Variants in SIK2 observed in about 807,000 individuals in gnomAD.
SIK2 encodes the protein salt inducible kinase 2.
A neutral mutation model predicts 103.2 loss-of-function variants in SIK2; 29 were observed. The observed-to-expected ratio is 0.28, with a 90% CI of 0.21 to 0.38. The LOEUF is 0.38. SIK2 is among the 10% of genes least tolerant of loss of function. The pLI is 1.00. For missense variants in SIK2, 879 were observed against 1,171.0 expected (o/e 0.75, Z 3.64); for synonymous variants, 412 against 446.1 (o/e 0.92, Z 0.96).
chr11:111,636,168 G>A (rs1347753548), intron 3 of SIK2, among the ~76,000 whole-genome samples: 1 of 152,108 alleles, frequency 6.6e-6, no homozygotes, highest in East Asian at 1.9e-4. Flanking sequence ...AAAATAAAAT[G>A]GGAAAAACCA....
At chr11:111,714,186 C>T (rs1349811511) in intron 9 of SIK2, among the ~76,000 whole-genome samples, 1 of 152,136 alleles carries the variant, frequency 6.6e-6, no homozygotes, top group African/African-American at 2.4e-5. Context: ...CTAGGGAAGC[C>T]TAAGTCCATC....
intron 3 of SIK2, among the ~76,000 whole-genome samples, chr11:111,636,721 T>A (rs1222852809): frequency 6.6e-6 from 1 of 152,230 alleles, no homozygotes; most frequent in East Asian, 1.9e-4. Context: ...CTTAAGATGC[T>A]GTTTCTCTAC....
At chr11:111,657,443 G>A (rs907112338) in intron 3 of SIK2, among the ~76,000 whole-genome samples, 27 of 152,234 alleles carry the variant, frequency 1.8e-4, no homozygotes, top group African/African-American at 5.5e-4. Flanking sequence ...AGGCTGAAGT[G>A]CAGTGGTGCA....
intron 3 of SIK2, among the ~76,000 whole-genome samples, chr11:111,622,560 G>T (rs1941905457): frequency 6.6e-6 from 1 of 152,088 alleles, no homozygotes. Context: ...GGCGTCTGAA[G>T]GATTTTCTTT....
chr11:111,708,916 CTTGTTT>C (rs1169877318), intron 8 of SIK2, among the ~76,000 whole-genome samples: 2 of 152,154 alleles, frequency 1.3e-5, no homozygotes, highest in Non-Finnish European at 2.9e-5. Flanking sequence ...GGCCTAACCA[CTTGTTT>C]TTAACAGTCC....
At chr11:111,698,280 C>CCAGCTCTTGTTCT (rs1423086867) in intron 4 of SIK2, among the ~76,000 whole-genome samples, 1 of 152,180 alleles carries the variant, frequency 6.6e-6, no homozygotes, top group African/African-American at 2.4e-5. Flanking sequence ...AGAAGTGTTC[C>CCAGCTCTTGTTCT]CAGCTCTTGT....
At chr11:111,662,800 C>A (rs1168325779) in intron 3 of SIK2, among the ~76,000 whole-genome samples, 2 of 152,080 alleles carry the variant, frequency 1.3e-5, no homozygotes, top group Non-Finnish European at 2.9e-5. Flanking sequence ...ATTGCTTGAG[C>A]CCAGGAGATC....
At position 111,688,339 on chromosome 11, in the gene SIK2, G is replaced by A. The variant is rs1942874359; in HGVS notation, c.478+177G>A. ...TGTGTAATTAAAAGTAAGGGAATGAGTTCATTATTAATATACACAGGTCAG... is the reference window on the plus strand; with the variant it reads ...TGTGTAATTAAAAGTAAGGGAATGAATTCATTATTAATATACACAGGTCAG... On this transcript the variant is annotated intron_variant, in intron 4 of 14. Transcript: ENST00000304987. The surrounding 1 kb of genome is among the most constrained non-coding windows in gnomAD (Gnocchi z 4.2). Among the ~76,000 whole-genome samples, 1 of 152,206 alleles carries A rather than the reference G, an allele frequency of 6.6e-6. No individual in the cohort carries two copies. The highest frequency in any genetic ancestry group is 1.5e-5 in the Non-Finnish European group (1 of 68,040).
chr11:111,661,115 T>C (rs1169347497), intron 3 of SIK2, among the ~76,000 whole-genome samples: 1 of 152,172 alleles, frequency 6.6e-6, no homozygotes. Flanking sequence ...ACTGAGTATA[T>C]ACTCTTTCTC....
At chr11:111,674,260 CA>C (rs1565347106) in intron 3 of SIK2, among the ~76,000 whole-genome samples, 1 of 152,084 alleles carries the variant, frequency 6.6e-6, no homozygotes, top group Non-Finnish European at 1.5e-5. Flanking sequence ...GAGTTAGCCA[CA>C]ACTAACCCCT....
Position 111,688,275 on chromosome 11 carries a change from G to C in SIK2, c.478+113G>C. Reference sequence around the variant, plus strand: ...CAGCATTTCTACCTGATGACATCAGGCTATCTCAAAGTCCATTTTATTCAT... The same window carrying C: ...CAGCATTTCTACCTGATGACATCAGCCTATCTCAAAGTCCATTTTATTCAT... On this transcript the variant is annotated intron_variant, in intron 4 of 14. Transcript: ENST00000304987. This position sits in a 1 kb window ranked among gnomAD's most constrained non-coding sequence, Gnocchi z 4.2. The C allele has an allele frequency of 1.9e-6, 2 of 1,052,304 alleles. No homozygotes were observed. Among genetic ancestry groups the C allele is most frequent in the Non-Finnish European group, 2.8e-6 (2 of 713,114 alleles). 65.2% of individuals were successfully genotyped at this position (1,052,304 alleles called of 1,614,324 possible). A position where few individuals can be genotyped will look rare whatever the true frequency, so the allele number is the denominator to read the frequency against.
chr11:111,622,665 AT>A (rs1485997126), intron 3 of SIK2, among the ~76,000 whole-genome samples: 3 of 152,186 alleles, frequency 2.0e-5, no homozygotes, highest in Non-Finnish European at 4.4e-5. Flanking sequence ...TTTGAAAGAT[AT>A]TTGTACTAGG....
chr11:111,646,154 A>G (rs1470610287), intron 3 of SIK2, among the ~76,000 whole-genome samples: 1 of 151,810 alleles, frequency 6.6e-6, no homozygotes, highest in Admixed American at 6.5e-5. Flanking sequence ...CTATGCATTT[A>G]AAGTACTCAG....
intron 8 of SIK2, among the ~76,000 whole-genome samples, chr11:111,710,198 G>T (rs1943459286): frequency 6.6e-6 from 1 of 152,182 alleles, no homozygotes; most frequent in Admixed American, 6.5e-5. Flanking sequence ...TTACATAGTA[G>T]CTAGATAATT....
In SIK2 at chr11:111,721,856, C is replaced by T. The variant is rs374853322; in HGVS notation, c.1971C>T (p.Ser657=). 5.6e-6 allele frequency: 9 copies of T among 1,611,736 alleles called. No homozygotes were observed. The highest frequency in any genetic ancestry group is 5.5e-5 in the South Asian group (5 of 90,792). ...PQEEVSQQQE[S]VSTLPASVHP... is the part of the protein sequence containing the mutation. ...AAGAAGTTTCTCAGCAGCAGGAAAG[C>T]GTCTCCACTCTCCCTGCCAGCGTGC... The change falls in exon 13 of 15, where the codon AGC becomes AGT. Residue 657 remains serine, a synonymous_variant. Transcript: ENST00000304987.
At position 111,705,943 on chromosome 11, in the gene SIK2, G is replaced by T. The variant is rs1943334429; in HGVS notation, c.1101+804G>T. On this transcript the variant is annotated intron_variant, in intron 8 of 14. Transcript: ENST00000304987. The surrounding 1 kb of genome is among the most constrained non-coding windows in gnomAD (Gnocchi z 4.3). The stretch of plus-strand genomic sequence containing the variant: ...TGGCACTGTTGGAAGTAGAAAAGAA[G>T]GGGCAAGTATAAGAACCATCTTAGA... 6.6e-6 allele frequency among the ~76,000 whole-genome samples: 1 copy of T among 152,190 alleles called. No individual in the cohort carries two copies. Among genetic ancestry groups the T allele is most frequent in the Non-Finnish European group, 1.5e-5 (1 of 68,036 alleles).
At chr11:111,707,908 A>G (rs184331185) in intron 8 of SIK2, among the ~76,000 whole-genome samples, 124 of 152,270 alleles carry the variant, frequency 8.1e-4, no homozygotes, top group African/African-American at 2.8e-3. Context: ...TTAAATACAG[A>G]GTGGGAACAG....
chr11:111,702,717 T>C (rs1338215712), intron 6 of SIK2, among the ~76,000 whole-genome samples: 1 of 152,140 alleles, frequency 6.6e-6, no homozygotes, highest in East Asian at 1.9e-4. Context: ...AGCAGTGCGG[T>C]TTTCTTGGTG....
intron 3 of SIK2, among the ~76,000 whole-genome samples, chr11:111,624,965 C>T (rs940895233): frequency 3.3e-5 from 5 of 152,112 alleles, no homozygotes; most frequent in African/African-American, 1.2e-4. Flanking sequence ...AAATGCAAAT[C>T]CCTGAGGCAG....
Sources: allele counts gnomAD v4.1 joint callset (sites outside exome capture counted in the v4.1 genomes callset), GRCh38; gene constraint gnomAD v4.1.1; non-coding constraint Gnocchi (gnomAD v3.1); transcripts MANE v1.5; gene names NCBI Gene and HGNC (gene_info 2026-07-23, HGNC 2026-07-21).